CTSC: variants seen among roughly 807,000 people sequenced by gnomAD.
CTSC encodes dipeptidyl peptidase 1.
In CTSC, 37 loss-of-function variants were observed where a neutral mutation model predicts 40.9. The observed-to-expected ratio is 0.91, with a 90% CI of 0.70 to 1.19. The LOEUF is 1.19. Ranked by LOEUF, CTSC falls within the 50% of genes most tolerant of loss-of-function variation. The probability of loss-of-function intolerance (pLI) is 0.00; values close to 1 mark genes in which losing one functional copy is unlikely to be tolerated. For missense variants in CTSC, 594 were observed against 567.3 expected, an observed-to-expected ratio of 1.05 and a Z score of -0.48; for synonymous variants, 232 against 207.4, an observed-to-expected ratio of 1.12 and a Z score of -1.02.
At chr11:88,324,594 C>A (rs970032529) in intron 2 of CTSC, 5 of 984,642 alleles carry the variant, frequency 5.1e-6, no homozygotes, top group Non-Finnish European at 4.8e-6. Context: ...CTACAAAGTT[C>A]TATGTGCATT....
chr11:88,330,365 T>A (rs1938316182), intron 2 of CTSC, among the ~76,000 whole-genome samples: 1 of 152,014 alleles, frequency 6.6e-6, no homozygotes, highest in South Asian at 2.1e-4. Context: ...TTCATTTTTT[T>A]ATTATTATTA....
intron 2 of CTSC, among the ~76,000 whole-genome samples, chr11:88,320,224 T>G (rs1055492644): frequency 2.0e-5 from 3 of 152,214 alleles, no homozygotes; most frequent in Non-Finnish European, 4.4e-5. Context: ...CTGAAGGAAC[T>G]GGAAGTTTAC....
intron 2 of CTSC, among the ~76,000 whole-genome samples, chr11:88,319,506 T>G (rs1298169410): frequency 1.3e-5 from 2 of 152,166 alleles, no homozygotes; most frequent in East Asian, 3.8e-4. Context: ...TCAGAAAATT[T>G]TGTTTCCAAA....
At chr11:88,323,397 A>G (rs1387452500) in intron 2 of CTSC, 4 of 151,850 alleles carry the variant, frequency 2.6e-5, no homozygotes, top group African/African-American at 7.3e-5. Flanking sequence ...CTTATTCAAT[A>G]TAGTATTGGG....
chr11:88,325,241 C>T, intron 2 of CTSC: 1 of 985,290 alleles, frequency 1.0e-6, no homozygotes, highest in Non-Finnish European at 1.2e-6. Flanking sequence ...GTTTACAAAG[C>T]TCTTCTACCA....
In CTSC at chr11:88,326,205, ATGTTTAC is replaced by A. The variant is rs564095453; in HGVS notation, c.318+8725_318+8731del. On this transcript the variant is annotated intron_variant, in intron 2 of 6. Coordinates refer to ENST00000227266, the MANE Select transcript of CTSC (RefSeq NM_001814.6). The stretch of plus-strand genomic sequence containing the variant: ...CTCTGGTTGTTCACATTCCAAAATG[ATGTTTAC>A]TGTTTTCCAAGGGAGTGTTCAGGAG... 1,217 of 1,389,752 alleles carry A rather than the reference ATGTTTAC, an allele frequency of 8.8e-4. 3 individuals carry two copies. Among genetic ancestry groups the A allele is most frequent in the Admixed American group, 1.5e-3 (50 of 34,176 alleles). 86.1% of individuals were successfully genotyped at this position (1,389,752 alleles called of 1,614,324 possible). A position where few individuals can be genotyped will look rare whatever the true frequency, so the allele number is the denominator to read the frequency against.
chr11:88,294,224 C>G lies in CTSC; in HGVS notation c.1174G>C (p.Gly392Arg). 6.2e-7 allele frequency: 1 copy of G among 1,613,926 alleles called. No homozygotes were observed. The highest frequency in any genetic ancestry group is 8.5e-7 in the Non-Finnish European group (1 of 1,179,976). Residue 392 changes from glycine (G) to arginine (R), a missense_variant, in exon 7 of 7, where the codon GGT becomes CGT. Transcript: ENST00000227266. ...HYKKGIYHHT[G>R]LRDPFNPFEL... Reference sequence around the variant, plus strand: ...AAGGGGTTGAAAGGGTCTCTTAGACCAGTGTGGTGGTAGATCCCCTTTTTG... The same window carrying G: ...AAGGGGTTGAAAGGGTCTCTTAGACGAGTGTGGTGGTAGATCCCCTTTTTG...
intron 4 of CTSC, among the ~76,000 whole-genome samples, chr11:88,304,962 G>A (rs537517667): frequency 6.6e-6 from 1 of 152,312 alleles, no homozygotes; most frequent in Admixed American, 6.5e-5. Flanking sequence ...GCTGGGCATG[G>A]TGGGTCATGC....
At chr11:88,337,444 G>GT (rs1938531449) in intron 1 of CTSC, 57 bp downstream of exon 1, 1 of 1,520,628 alleles carries the variant, frequency 6.6e-7, no homozygotes. Flanking sequence ...GTGGCGCTGC[G>GT]TTAGGGGCTC....
chr11:88,331,974 A>G (rs754294565), intron 2 of CTSC, among the ~76,000 whole-genome samples: 2 of 152,228 alleles, frequency 1.3e-5, no homozygotes, highest in African/African-American at 2.4e-5. Flanking sequence ...AATACTCTGC[A>G]TGTACCAACT....
chr11:88,301,875 G>A (rs1944368768), intron 4 of CTSC, among the ~76,000 whole-genome samples: 1 of 151,740 alleles, frequency 6.6e-6, no homozygotes, highest in Admixed American at 6.6e-5. Flanking sequence ...CGACTTCTTG[G>A]AGTTTCCCCA....
At chr11:88,306,096 A>G (rs1291293204) in intron 4 of CTSC, among the ~76,000 whole-genome samples, 2 of 152,242 alleles carry the variant, frequency 1.3e-5, no homozygotes, top group South Asian at 4.1e-4. Context: ...TTGATTAACT[A>G]GAGCATTTCA....
At chr11:88,296,299 C>T (rs766153270) in intron 5 of CTSC, 35 bp from the exon 6 acceptor site, 9 of 1,611,692 alleles carry the variant, frequency 5.6e-6, no homozygotes, top group Non-Finnish European at 6.8e-6. Context: ...ATCCAAGAGA[C>T]ATCTGAAGCC....
chr11:88,325,321 G>C, intron 2 of CTSC: 1 of 985,422 alleles, frequency 1.0e-6, no homozygotes, highest in Non-Finnish European at 1.2e-6. Flanking sequence ...GTTTAGGCAA[G>C]AAAGTCAGTA....
chr11:88,306,833 G>A (rs1937644267), intron 4 of CTSC, among the ~76,000 whole-genome samples: 1 of 152,224 alleles, frequency 6.6e-6, no homozygotes, highest in Admixed American at 6.5e-5. Flanking sequence ...GCCATCTGCA[G>A]ACGGCTAAGC....
At chr11:88,331,013 G>C (rs1193576084) in intron 2 of CTSC, among the ~76,000 whole-genome samples, 6 of 152,324 alleles carry the variant, frequency 3.9e-5, no homozygotes, top group Non-Finnish European at 5.9e-5. Flanking sequence ...GGAAGCAGAA[G>C]GTAAAAGCAG....
chr11:88,296,185 C>T lies in CTSC; in HGVS notation c.837G>A (p.Gln279=). 6.2e-7 allele frequency: 1 copy of T among 1,614,054 alleles called. No individual in the cohort carries two copies. Among genetic ancestry groups the T allele is most frequent in the Non-Finnish European group, 8.5e-7 (1 of 1,179,972 alleles). Residue 279 remains glutamine, a synonymous_variant, in exon 6 of 7, where the codon CAG becomes CAA. Coordinates refer to ENST00000227266, the MANE Select transcript of CTSC (RefSeq NM_001814.6). ...ARIRILTNNS[Q]TPILSPQEVV... ...CCTCCTGAGGGCTTAGGATTGGGGTCTGAGAATTGTTGGTTAGTATACGGA... is the reference window on the plus strand; with the variant it reads ...CCTCCTGAGGGCTTAGGATTGGGGTTTGAGAATTGTTGGTTAGTATACGGA...
chr11:88,330,555 G>A (rs2134819399), intron 2 of CTSC, among the ~76,000 whole-genome samples: 1 of 151,892 alleles, frequency 6.6e-6, no homozygotes, highest in East Asian at 1.9e-4. Context: ...CTTCATGTTG[G>A]CCAGACTGGT....
Position 88,301,808 on chromosome 11 carries a change from G to GCACACACA in CTSC, c.642-1164_642-1163insTGTGTGTG, listed in dbSNP as rs796959607. On this transcript the variant is annotated intron_variant, in intron 4 of 6. Coordinates refer to ENST00000227266, the MANE Select transcript of CTSC (RefSeq NM_001814.6). ...CATGCACACACACACAAACACACGC[G>GCACACACA]CGCACACACACACACACACACACAC... Among the ~76,000 whole-genome samples the GCACACACA allele has an allele frequency of 2.7e-3, 321 of 119,472 alleles. 3 individuals carry two copies. The highest frequency in any genetic ancestry group is 0.025 in the East Asian group (102 of 4,150). The allele number at this position is 119,472 out of a possible 152,430, so 78.4% of individuals were successfully genotyped here.
Sources: allele counts gnomAD v4.1 joint callset (sites outside exome capture counted in the v4.1 genomes callset), GRCh38; gene constraint gnomAD v4.1.1; transcripts MANE v1.5; gene names NCBI Gene and HGNC (gene_info 2026-07-23, HGNC 2026-07-21).